Variants in APCDD1L observed in about 807,000 individuals in gnomAD.
APCDD1L encodes APC down-regulated 1 like, also known as protein APCDD1-like.
Under a neutral mutation model 24.2 loss-of-function variants are expected in APCDD1L, and 21 were observed. That is an observed-to-expected ratio of 0.87 (90% CI 0.61 to 1.25). The LOEUF (loss-of-function observed/expected upper bound fraction) is 1.25, where lower values mean the gene tolerates loss of function less well. Among genes scored for constraint, APCDD1L ranks in the 50% most tolerant of loss-of-function variants. The pLI is 0.00. For synonymous variants in APCDD1L, 321 were observed against 323.6 expected (o/e 0.99, Z 0.09); for missense variants, 704 against 711.7 (o/e 0.99, Z 0.12).
intron 1 of APCDD1L, among the ~76,000 whole-genome samples, chr20:58,513,657 CA>C (rs1164201956): frequency 6.6e-6 from 1 of 152,196 alleles, no homozygotes; most frequent in African/African-American, 2.4e-5. Flanking sequence ...TCTCGGCTGC[CA>C]TTCCCTGAAC....
chr20:58,473,338 A>T (rs1390528552), intron 1 of APCDD1L, among the ~76,000 whole-genome samples: 2 of 151,816 alleles, frequency 1.3e-5, no homozygotes, highest in Non-Finnish European at 2.9e-5. Flanking sequence ...ATTTTAGTTT[A>T]TCTTGTTTTT....
At position 58,461,239 on chromosome 20, in the gene APCDD1L, ACACCAGCT is replaced by A; in HGVS notation, c.1049_1056del (p.Glu350ValfsTer2). 4 of 1,613,546 alleles carry A rather than the reference ACACCAGCT, an allele frequency of 2.5e-6. No homozygotes were observed. The highest frequency in any genetic ancestry group is 2.5e-6 in the Non-Finnish European group (3 of 1,179,858). On this transcript the variant is annotated frameshift_variant, in exon 4 of 4. Coordinates refer to ENST00000371149, the MANE Select transcript of APCDD1L (RefSeq NM_153360.3). LOFTEE classifies it low-confidence loss of function (END_TRUNC). This position sits in a 1 kb window ranked among gnomAD's most constrained non-coding sequence, Gnocchi z 6.0. ...GTCACATGGGCCCGTGTGACCTCAA[ACACCAGCT>A]CGGTGCCGCCGCGGACCCTGGTGGA... is the stretch of plus-strand genomic sequence containing the variant.
chr20:58,474,383 C>T (rs531208953), intron 1 of APCDD1L, among the ~76,000 whole-genome samples: 3 of 152,240 alleles, frequency 2.0e-5, no homozygotes, highest in Non-Finnish European at 4.4e-5. Context: ...CACAACAACA[C>T]ACCTAGTAAA....
rs149478279 is a variant in APCDD1L at position 58,471,647 on chromosome 20, A to G, written c.50-900T>C. Among the ~76,000 whole-genome samples, 290 of 152,338 alleles carry G rather than the reference A, an allele frequency of 1.9e-3. 9 individuals are homozygous for G. In the South Asian group the frequency reaches 0.031, roughly 16 times the overall value. On this transcript the variant is annotated intron_variant, in intron 1 of 3. Coordinates refer to ENST00000371149, the MANE Select transcript of APCDD1L (RefSeq NM_153360.3). The stretch of plus-strand genomic sequence containing the variant: ...GGCTGCTGAGAGGCGAGAGTGCCAA[A>G]ACCTTCAGCTGCTAAAGAGCAGCAG...
chr20:58,495,553 C>A (rs1990305699), intron 1 of APCDD1L, among the ~76,000 whole-genome samples: 1 of 152,086 alleles, frequency 6.6e-6, no homozygotes, highest in Non-Finnish European at 1.5e-5. Flanking sequence ...TCGACTGCAT[C>A]CTCCAGAGGT....
At chr20:58,493,198 C>T (rs1050957297) in intron 1 of APCDD1L, among the ~76,000 whole-genome samples, 4 of 152,266 alleles carry the variant, frequency 2.6e-5, no homozygotes, top group Non-Finnish European at 5.9e-5. Context: ...CACACAGGCA[C>T]ATAAACATGC....
rs760157241 is a variant in APCDD1L, at chr20:58,467,330, G to A, written c.517C>T (p.Leu173=). The A allele has an allele frequency of 2.7e-6, 4 of 1,501,334 alleles. No homozygotes were observed. Among genetic ancestry groups the A allele is most frequent in the East Asian group, 2.7e-5 (1 of 36,848 alleles). The allele number at this position is 1,501,334 out of a possible 1,614,324, so 93.0% of individuals were successfully genotyped here. The change falls in exon 3 of 4, where the codon CTG becomes TTG. Residue 173 remains leucine (L), a synonymous_variant. Coordinates refer to ENST00000371149, the MANE Select transcript of APCDD1L (RefSeq NM_153360.3). The surrounding 1 kb of genome is among the most constrained non-coding windows in gnomAD (Gnocchi z 5.9). The part of the protein sequence containing the change: ...PPARAWLPGA[L]YELRSARAQG... ...GCCCGGGCGCTCCGCAGCTCGTACA[G>A]CGCCCCAGGCAGCCAGGCCCGGGCC...
chr20:58,467,438 G>T lies in APCDD1L; in HGVS notation c.409C>A (p.His137Asn). Residue 137 changes from histidine (H) to asparagine (N), a missense_variant, in exon 3 of 4, where the codon CAC (histidine) becomes AAC (asparagine). Transcript: ENST00000371149. The surrounding 1 kb of genome is among the most constrained non-coding windows in gnomAD (Gnocchi z 5.9). ...YHLHKVGIVF[H>N]SRRALVDVTG... ...ACGTCGACCAGGGCCCGGCGGCTGTGGAAGACGATGCCCACCTTGTGCAGG... is the reference window on the plus strand; with the variant it reads ...ACGTCGACCAGGGCCCGGCGGCTGTTGAAGACGATGCCCACCTTGTGCAGG... The T allele has an allele frequency of 6.3e-7, 1 of 1,580,820 alleles. No homozygotes were observed. The highest frequency in any genetic ancestry group is 1.4e-5 in the African/African-American group (1 of 73,814).
intron 1 of APCDD1L, among the ~76,000 whole-genome samples, chr20:58,472,576 G>T (rs903144895): frequency 6.6e-6 from 1 of 152,256 alleles, no homozygotes; most frequent in Non-Finnish European, 1.5e-5. Context: ...GAAGGTATGA[G>T]TACAAATGCT....
chr20:58,512,703 T>C (rs1990650793), intron 1 of APCDD1L, among the ~76,000 whole-genome samples: 1 of 152,190 alleles, frequency 6.6e-6, no homozygotes, highest in African/African-American at 2.4e-5. Flanking sequence ...AAGGATTAAC[T>C]GGGTCCTGTT....
chr20:58,484,968 G>C (rs866725733), intron 1 of APCDD1L, among the ~76,000 whole-genome samples: 2 of 118,208 alleles, frequency 1.7e-5, no homozygotes, highest in African/African-American at 6.3e-5. Flanking sequence ...TTTTTTTTAT[G>C]AATGCAATCT....
At position 58,498,293 on chromosome 20, in the gene APCDD1L, G is replaced by C. The variant is rs113244769; in HGVS notation, c.49+16366C>G. Among the ~76,000 whole-genome samples, 1,485 of 152,274 alleles carry C rather than the reference G, an allele frequency of 9.8e-3. 34 individuals carry two copies. Among genetic ancestry groups the C allele is most frequent in the African/African-American group, 0.034 (1,404 of 41,548 alleles). On this transcript the variant is annotated intron_variant, in intron 1 of 3. Transcript: ENST00000371149. ...GCTAAAGAGTGAAATTTGTTCGGAA[G>C]GGCAGCATTCTAATCCAAGCCGTGG...
rs117920153 is a variant in APCDD1L, at chr20:58,510,250, G to A, written c.49+4409C>T. On this transcript the variant is annotated intron_variant, in intron 1 of 3. Coordinates refer to ENST00000371149, the MANE Select transcript of APCDD1L (RefSeq NM_153360.3). ...TATCTGATTGGTCCTTCTGTCTTCC[G>A]CACCTCACACCAGTGTGTGGCACAT... is the stretch of plus-strand genomic sequence containing the variant. Among the ~76,000 whole-genome samples the A allele has an allele frequency of 2.6e-3, 394 of 152,232 alleles. 1 individual carries two copies. Among genetic ancestry groups the A allele is most frequent in the Non-Finnish European group, 3.9e-3 (264 of 68,016 alleles).
In APCDD1L at chr20:58,494,509, A is replaced by ATT. The variant is rs11464052; in HGVS notation, c.49+20148_49+20149dup. Among the ~76,000 whole-genome samples the ATT allele has an allele frequency of 3.2e-3, 475 of 149,600 alleles. 6 individuals are homozygous for ATT. Among genetic ancestry groups the ATT allele is most frequent in the Admixed American group, 3.7e-3 (56 of 15,038 alleles). On this transcript the variant is annotated intron_variant, in intron 1 of 3. Transcript: ENST00000371149. The surrounding 1 kb of genome is among the most constrained non-coding windows in gnomAD (Gnocchi z 4.8). ...CACTGCCACACTCAGCTAATTTTTA[A>ATT]TTTTTTTTTTGGTAGAGATGGGGTC...
chr20:58,512,161 G>A (rs1302705005), intron 1 of APCDD1L, among the ~76,000 whole-genome samples: 1 of 152,212 alleles, frequency 6.6e-6, no homozygotes, highest in Non-Finnish European at 1.5e-5. Flanking sequence ...AAGAGGGAGG[G>A]AGAGCAAATG....
Position 58,515,393 on chromosome 20 carries a change from A to C in APCDD1L, c.-686T>G, listed in dbSNP as rs376958920. The C allele has an allele frequency of 8.1e-6, 3 of 368,932 alleles. No individual in the cohort carries two copies. Among genetic ancestry groups the C allele is most frequent in the Non-Finnish European group, 9.6e-6 (2 of 208,138 alleles). The allele number at this position is 368,932 out of a possible 1,614,324, so 22.9% of individuals were successfully genotyped here. On this transcript the variant is annotated 5_prime_UTR_variant, in exon 1 of 4. Transcript: ENST00000371149. The stretch of plus-strand genomic sequence containing the variant: ...CCACCACACCCAAACGCATCTAGGC[A>C]AAGTGTGGACCCGACCAGGCGGGTT...
chr20:58,461,549 G>A lies in APCDD1L; in HGVS notation c.747C>T (p.His249=), dbSNP rs1361624302. ...YQRPLQSALH[H]VQPCPACGLI... The stretch of plus-strand genomic sequence containing the variant: ...GGCCACAGGCTGGGCACGGCTGCAC[G>A]TGGTGCTGGCAAAAGACAAACAGAA... The change falls in exon 4 of 4, where the codon CAC becomes CAT. Residue 249 remains histidine, a synonymous_variant. Transcript: ENST00000371149. This position sits in a 1 kb window ranked among gnomAD's most constrained non-coding sequence, Gnocchi z 6.0. 4.2e-6 allele frequency: 6 copies of A among 1,422,398 alleles called. No individual in the cohort carries two copies. The highest frequency in any genetic ancestry group is 2.9e-5 in the Admixed American group (1 of 34,070). The allele number at this position is 1,422,398 out of a possible 1,614,324, so 88.1% of individuals were successfully genotyped here.
At chr20:58,510,733 G>A (rs1990610811) in intron 1 of APCDD1L, among the ~76,000 whole-genome samples, 1 of 152,196 alleles carries the variant, frequency 6.6e-6, no homozygotes, top group Admixed American at 6.5e-5. Flanking sequence ...CTGGCAGCAG[G>A]GCTGGGGCAG....
Position 58,469,696 on chromosome 20 carries a change from C to T in APCDD1L, c.188+913G>A, listed in dbSNP as rs184608931. Among the ~76,000 whole-genome samples the T allele has an allele frequency of 2.6e-5, 4 of 152,286 alleles. No individual in the cohort carries two copies. The East Asian group carries it at 5.8e-4, about 22-fold the overall frequency. ...GCCTGGCTGAGCCTGCAAATGCATT[C>T]GAAGTGGCCTCGAAGGACTCATGTC... On this transcript the variant is annotated intron_variant, in intron 2 of 3. Transcript: ENST00000371149.
Sources: gnomAD v4.1 joint callset for allele counts (sites outside exome capture counted in the v4.1 genomes callset) on GRCh38, gnomAD v4.1.1 for gene constraint, Gnocchi (gnomAD v3.1) non-coding constraint, MANE v1.5 for transcripts, NCBI Gene and HGNC (gene_info 2026-07-23, HGNC 2026-07-21) for gene names.